VPS13A: variants seen among roughly 807,000 people sequenced by gnomAD.
The protein encoded by VPS13A is vacuolar protein sorting 13 homolog A.
In VPS13A, 264 loss-of-function variants were observed where a neutral mutation model predicts 390.9. That is an observed-to-expected ratio of 0.68 (90% CI 0.61 to 0.75). The LOEUF (loss-of-function observed/expected upper bound fraction) is 0.75, where lower values mean the gene tolerates loss of function less well. Among genes scored for constraint, VPS13A ranks in the 30% least tolerant of loss-of-function variants. The pLI is 0.00. For missense variants in VPS13A, 3,409 were observed against 3,733.9 expected (o/e 0.91, Z 2.27); for synonymous variants, 1,231 against 1,227.1 (o/e 1.00, Z -0.07).
intron 1 of VPS13A, among the ~76,000 whole-genome samples, chr9:77,183,566 T>C (rs1055695868): frequency 1.3e-5 from 2 of 152,232 alleles, no homozygotes; most frequent in Non-Finnish European, 2.9e-5. Context: ...TATTCCTTTT[T>C]ATTGCTGACC....
chr9:77,181,457 A>G (rs1672853638), intron 1 of VPS13A, among the ~76,000 whole-genome samples: 1 of 147,184 alleles, frequency 6.8e-6, no homozygotes, highest in Non-Finnish European at 1.5e-5. Context: ...CATAGGTTGC[A>G]GTGAGCTGAG....
chr9:77,295,679 C>G lies in VPS13A; in HGVS notation c.3645C>G (p.Ala1215=), dbSNP rs138687767. 6.2e-7 allele frequency: 1 copy of G among 1,613,996 alleles called. No individual in the cohort carries two copies. The highest frequency in any genetic ancestry group is 8.5e-7 in the Non-Finnish European group (1 of 1,179,952). Reference sequence around the variant, plus strand: ...TGGCACTGGATATTAACATCAAAGCCCCAGTTGTGGTCATCCCGCAGTCTC... The same window carrying G: ...TGGCACTGGATATTAACATCAAAGCGCCAGTTGTGGTCATCCCGCAGTCTC... ...SRMALDINIK[A]PVVVIPQSPV... is the part of the protein sequence containing the mutation. The change falls in exon 33 of 72, where the codon GCC becomes GCG. Residue 1215 remains alanine, a synonymous_variant. Transcript: ENST00000360280.
intron 10 of VPS13A, among the ~76,000 whole-genome samples, chr9:77,218,365 G>A (rs373674232): frequency 2.4e-4 from 36 of 151,726 alleles, no homozygotes; most frequent in African/African-American, 7.3e-4. Context: ...TGCCTGCCTC[G>A]GCCTCCCAAA....
chr9:77,414,414 A>T (rs961894800), intron 71 of VPS13A, among the ~76,000 whole-genome samples: 2 of 152,198 alleles, frequency 1.3e-5, no homozygotes, highest in Non-Finnish European at 2.9e-5. Flanking sequence ...CAGCCATAAA[A>T]AATAATGAGT....
chr9:77,177,543 T>C lies in VPS13A; in HGVS notation c.-162T>C. 1 of 662,832 alleles carries C rather than the reference T, an allele frequency of 1.5e-6. No individual in the cohort carries two copies. The highest frequency in any genetic ancestry group is 2.7e-6 in the Non-Finnish European group (1 of 374,978). 41.1% of individuals were successfully genotyped at this position (662,832 alleles called of 1,614,324 possible). Reference sequence around the variant, plus strand: ...CGTCGTGAGAGCGACCGCCTCCGTCTCTCGCTGGGCTCGCTAGGGCTGCGC... The same window carrying C: ...CGTCGTGAGAGCGACCGCCTCCGTCCCTCGCTGGGCTCGCTAGGGCTGCGC... On this transcript the variant is annotated 5_prime_UTR_variant, in exon 1 of 72. Transcript: ENST00000360280.
At chr9:77,320,755 A>G (rs530775543) in intron 42 of VPS13A, among the ~76,000 whole-genome samples, 4 of 152,198 alleles carry the variant, frequency 2.6e-5, no homozygotes, top group African/African-American at 9.6e-5. Context: ...GGTTTATAAC[A>G]CTGTTCTGCT....
At chr9:77,215,152 CAA>C (rs972927670) in intron 10 of VPS13A, among the ~76,000 whole-genome samples, 1 of 151,652 alleles carries the variant, frequency 6.6e-6, no homozygotes, top group African/African-American at 2.4e-5. Context: ...CAAAAACAAA[CAA>C]AAAAAAGTGC....
chr9:77,183,545 A>G (rs905163947), intron 1 of VPS13A, among the ~76,000 whole-genome samples: 5 of 152,236 alleles, frequency 3.3e-5, no homozygotes, highest in African/African-American at 1.2e-4. Context: ...GTGGTAGTAC[A>G]ATCAATAATT....
chr9:77,206,192 G>A (rs1201058927), intron 5 of VPS13A, 113 bp downstream of exon 5: 2 of 814,902 alleles, frequency 2.5e-6, no homozygotes, highest in African/African-American at 3.5e-5. Context: ...TCAGAAATAT[G>A]ATAGAATCTC....
chr9:77,221,334 G>A lies in VPS13A; in HGVS notation c.1139G>A (p.Gly380Asp). Residue 380 changes from glycine to aspartate, a missense_variant, in exon 13 of 72, where the codon GGT becomes GAT. Transcript: ENST00000360280. ...AAGTTAACAAGTAAGAAGCCACCTG[G>A]TGAACTTCTCGTGTCTTTGGAGGTT... ...KKKLTSKKPP[G>D]ELLVSLEELE... is the part of the protein sequence containing the mutation. 1 of 1,612,974 alleles carries A rather than the reference G, an allele frequency of 6.2e-7. No individual in the cohort carries two copies. The highest frequency in any genetic ancestry group is 8.5e-7 in the Non-Finnish European group (1 of 1,179,390).
At chr9:77,387,699 AGAAAAG>A (rs1833746965) in intron 68 of VPS13A, among the ~76,000 whole-genome samples, 1 of 152,348 alleles carries the variant, frequency 6.6e-6, no homozygotes, top group South Asian at 2.1e-4. Context: ...TCAGTATTAT[AGAAAAG>A]GAAGTCAAAT....
chr9:77,407,631 T>TAA, intron 71 of VPS13A, 24 bp downstream of exon 71: 2 of 1,535,984 alleles, frequency 1.3e-6, no homozygotes. Flanking sequence ...ATCTTTTATT[T>TAA]AAATAGGAGC....
intron 62 of VPS13A, among the ~76,000 whole-genome samples, chr9:77,368,818 A>G (rs1832586616): frequency 6.6e-6 from 1 of 152,222 alleles, no homozygotes; most frequent in Non-Finnish European, 1.5e-5. Context: ...ATAATACCAA[A>G]TTACTTTTTA....
At chr9:77,204,155 G>T (rs1825497831) in intron 3 of VPS13A, among the ~76,000 whole-genome samples, 2 of 152,026 alleles carry the variant, frequency 1.3e-5, no homozygotes, top group Non-Finnish European at 2.9e-5. Flanking sequence ...GATCTAAGTG[G>T]ATTTAAAAAA....
chr9:77,262,006 T>C (rs903382082), intron 23 of VPS13A, among the ~76,000 whole-genome samples: 3 of 152,240 alleles, frequency 2.0e-5, no homozygotes, highest in Non-Finnish European at 4.4e-5. Flanking sequence ...GGTTTTGATA[T>C]GCTTTTTTAA....
rs888305722 is a variant in VPS13A at position 77,252,406 on chromosome 9, A to G, written c.2288+54A>G. The G allele has an allele frequency of 1.0e-5, 14 of 1,385,798 alleles. No individual in the cohort carries two copies. In the African/African-American group the frequency reaches 1.9e-4, roughly 18 times the overall value. 85.8% of individuals were successfully genotyped at this position (1,385,798 alleles called of 1,614,324 possible). A position where few individuals can be genotyped will look rare whatever the true frequency, so the allele number is the denominator to read the frequency against. On this transcript the variant is annotated intron_variant, in intron 22 of 71. Transcript: ENST00000360280. ...GGATTTTCTGGGTAATTCTGTAGCTAGGGAAATACCATACTTAACTGACTC... is the reference window on the plus strand; with the variant it reads ...GGATTTTCTGGGTAATTCTGTAGCTGGGGAAATACCATACTTAACTGACTC...
In VPS13A at chr9:77,226,454, T is replaced by C. The variant is rs1381867224; in HGVS notation, c.1225-12T>C. ...ATAATGTGTCATTTATTTGAAAATT[T>C]ATTCATTTTAGGTAAAGAAAGCTGG... On this transcript the variant is annotated splice_polypyrimidine_tract_variant and intron_variant, in intron 14 of 71. Coordinates refer to ENST00000360280, the MANE Select transcript of VPS13A (RefSeq NM_033305.3). 1 of 1,596,788 alleles carries C rather than the reference T, an allele frequency of 6.3e-7. No homozygotes were observed. The highest frequency in any genetic ancestry group is 1.7e-5 in the Admixed American group (1 of 59,898).
Position 77,371,143 on chromosome 9 carries a change from T to G in VPS13A, c.9071T>G (p.Ile3024Arg). ...IDMASSTFQG[I>R]KRATETSEVE... Reference sequence around the variant, plus strand: ...ATGGCTAGCAGTACATTTCAGGGAATAAAAAGGTAAATCCTCTTTGGTGTA... The same window carrying G: ...ATGGCTAGCAGTACATTTCAGGGAAGAAAAAGGTAAATCCTCTTTGGTGTA... Residue 3024 changes from isoleucine (I) to arginine (R), a missense_variant, in exon 67 of 72, where the codon ATA becomes AGA. By Grantham distance (97) the Ile-to-Arg change is moderately conservative. This residue lies in a region of VPS13A where 318 missense variants were observed against 333.7 expected (regional missense o/e 0.95). Transcript: ENST00000360280. 1 of 1,614,008 alleles carries G rather than the reference T, an allele frequency of 6.2e-7. No individual in the cohort carries two copies. Among genetic ancestry groups the G allele is most frequent in the Non-Finnish European group, 8.5e-7 (1 of 1,179,928 alleles).
At chr9:77,291,437 G>C (rs116026816) in intron 31 of VPS13A, among the ~76,000 whole-genome samples, 1 of 152,112 alleles carries the variant, frequency 6.6e-6, no homozygotes, top group Non-Finnish European at 1.5e-5. Flanking sequence ...GTCTGGAAAC[G>C]GGGATGCCTC....
Sources: gnomAD v4.1 joint callset for allele counts (sites outside exome capture counted in the v4.1 genomes callset) on GRCh38, gnomAD v4.1.1 for gene constraint, gnomAD v4.1.1 regional missense constraint, MANE v1.5 for transcripts, NCBI Gene and HGNC (gene_info 2026-07-23, HGNC 2026-07-21) for gene names.